NLRP14: variants seen among roughly 807,000 people sequenced by gnomAD.
NLRP14 encodes the protein NLR family pyrin domain containing 14.
Under a neutral mutation model 94.7 loss-of-function variants are expected in NLRP14, and 105 were observed. The observed-to-expected ratio is 1.11, with a 90% CI of 0.95 to 1.30. The LOEUF (loss-of-function observed/expected upper bound fraction) is 1.30. NLRP14 is among the 50% of genes most tolerant of loss of function. NLRP14 has a pLI of 0.00. For missense variants in NLRP14, 1,362 were observed against 1,254.1 expected, an observed-to-expected ratio of 1.09 and a Z score of -1.30; for synonymous variants, 508 against 459.9, an observed-to-expected ratio of 1.10 and a Z score of -1.34.
chr11:7,042,888 C>A lies in NLRP14; in HGVS notation c.862C>A (p.Leu288Ile). Residue 288 changes from leucine (L) to isoleucine (I), a missense_variant, in exon 4 of 12, where the codon CTC becomes ATC. Coordinates refer to ENST00000299481, the MANE Select transcript of NLRP14 (RefSeq NM_176822.4). ...DWTQEHPVSF[L>I]MSSLLRKVML... is the part of the protein sequence containing the mutation. The stretch of plus-strand genomic sequence containing the variant: ...GACCCAAGAACACCCAGTGTCCTTC[C>A]TCATGAGTAGTTTGCTGAGGAAAGT... The A allele has an allele frequency of 6.2e-7, 1 of 1,614,164 alleles. No homozygotes were observed. Among genetic ancestry groups the A allele is most frequent in the Non-Finnish European group, 8.5e-7 (1 of 1,180,020 alleles).
intron 2 of NLRP14, 106 bp from the exon 3 acceptor site, chr11:7,039,608 G>A: frequency 2.2e-6 from 2 of 901,734 alleles, no homozygotes; most frequent in Non-Finnish European, 1.9e-6. Flanking sequence ...AACCCAGATA[G>A]TCATAGAATT....
chr11:7,043,096 A>G lies in NLRP14; in HGVS notation c.1070A>G (p.Lys357Arg). The change falls in exon 4 of 12, where the codon AAA becomes AGA. Residue 357 changes from lysine to arginine, a missense_variant. Lys to Arg is a conservative substitution (Grantham distance 26). Transcript: ENST00000299481. Reference sequence around the variant, plus strand: ...GCCATGAAAGTATTCAGTTCACTAAAAAGCAATGAGATGCTGTTTAGCATG... The same window carrying G: ...GCCATGAAAGTATTCAGTTCACTAAGAAGCAATGAGATGCTGTTTAGCATG... ...RWAMKVFSSL[K>R]SNEMLFSMCQ... 1.2e-6 allele frequency: 2 copies of G among 1,614,184 alleles called. No homozygotes were observed. Among genetic ancestry groups the G allele is most frequent in the Non-Finnish European group, 1.7e-6 (2 of 1,180,038 alleles).
chr11:7,090,657 C>T, the NLRP14 span: 1 of 337,754 alleles, frequency 3.0e-6, no homozygotes, highest in Non-Finnish European at 5.9e-6. Context: ...ATCTGCTCAC[C>T]TAAAATGGAA....
intron 5 of NLRP14, 107 bp downstream of exon 5, chr11:7,046,939 A>G (rs1852361826): frequency 1.2e-6 from 1 of 854,636 alleles, no homozygotes; most frequent in Non-Finnish European, 2.0e-6. Context: ...AATACTTACA[A>G]TCCATTTTGT....
intron 1 of NLRP14, among the ~76,000 whole-genome samples, chr11:7,025,346 A>T (rs1685981693): frequency 6.6e-6 from 1 of 152,168 alleles, no homozygotes; most frequent in Admixed American, 6.5e-5. Context: ...TAGTGAAATA[A>T]ATGTTTAAGG....
intron 10 of NLRP14, among the ~76,000 whole-genome samples, chr11:7,063,143 T>C (rs896404118): frequency 1.3e-5 from 2 of 152,120 alleles, no homozygotes; most frequent in African/African-American, 4.8e-5. Flanking sequence ...CCATTGACTA[T>C]ATATTTTTAT....
At chr11:7,090,118 G>A in the NLRP14 span, 4 of 1,612,478 alleles carry the variant, frequency 2.5e-6, no homozygotes, top group Non-Finnish European at 3.4e-6. Context: ...TATGGCCGGA[G>A]CGACCGCTAC....
intron 9 of NLRP14, among the ~76,000 whole-genome samples, 176 bp from the exon 10 acceptor site, chr11:7,062,157 G>A (rs1001605659): frequency 6.6e-6 from 1 of 151,892 alleles, no homozygotes; most frequent in Non-Finnish European, 1.5e-5. Flanking sequence ...GGTTTATTCT[G>A]CTCATTAAGA....
intron 5 of NLRP14, among the ~76,000 whole-genome samples, chr11:7,049,139 A>G (rs1356735421): frequency 1.3e-5 from 2 of 152,162 alleles, no homozygotes; most frequent in African/African-American, 4.8e-5. Flanking sequence ...AATATCTGAC[A>G]TTGACTGAGT....
At position 7,027,617 on chromosome 11, in the gene NLRP14, G is replaced by A. The variant is rs151158992; in HGVS notation, c.-22+6847G>A. On this transcript the variant is annotated intron_variant, in intron 1 of 11. Transcript: ENST00000299481. ...CTACTTCCCTCTCAGCTACTGTATC[G>A]TTTCTGTCCTTCCTTTTGAGCCAAA... Among the ~76,000 whole-genome samples the A allele has an allele frequency of 3.4e-3, 521 of 152,176 alleles. 3 individuals carry two copies. Among genetic ancestry groups the A allele is most frequent in the African/African-American group, 9.5e-3 (394 of 41,530 alleles).
At chr11:7,032,047 T>C (rs1852106382) in intron 1 of NLRP14, among the ~76,000 whole-genome samples, 1 of 152,214 alleles carries the variant, frequency 6.6e-6, no homozygotes, top group African/African-American at 2.4e-5. Context: ...CAAGTACAGA[T>C]GGCAGGCATT....
chr11:7,038,525 T>C (rs1466443108), intron 1 of NLRP14, 41 bp from the exon 2 acceptor site: 2 of 1,489,980 alleles, frequency 1.3e-6, no homozygotes, highest in African/African-American at 2.8e-5. Flanking sequence ...ATGTGTCCCA[T>C]TTATTCCATG....
intron 8 of NLRP14, among the ~76,000 whole-genome samples, 193 bp from the exon 9 acceptor site, chr11:7,059,701 A>G (rs1852582641): frequency 6.6e-6 from 1 of 152,010 alleles, no homozygotes; most frequent in African/African-American, 2.4e-5. Context: ...GCTGAAGAAT[A>G]TGAGTCTAGT....
At chr11:7,074,788 C>T (rs1448424409), downstream of NLRP14, among the ~76,000 whole-genome samples, 6 of 151,988 alleles carry the variant, frequency 3.9e-5, 1 homozygote, top group Admixed American at 1.3e-4. Flanking sequence ...TTTTCTGTAG[C>T]GGATCTGAAG....
At chr11:7,075,786 C>T (rs142725321), downstream of NLRP14, among the ~76,000 whole-genome samples, 13 of 152,254 alleles carry the variant, frequency 8.5e-5, no homozygotes, top group East Asian at 2.5e-3. Flanking sequence ...AACAATGATC[C>T]TTAGGTCATG....
chr11:7,072,279 T>C (rs752332311), downstream of NLRP14, among the ~76,000 whole-genome samples: 1 of 152,248 alleles, frequency 6.6e-6, no homozygotes, highest in Non-Finnish European at 1.5e-5. Context: ...ACACGTCTGC[T>C]GCCTTGGCAG....
intron 10 of NLRP14, among the ~76,000 whole-genome samples, chr11:7,068,566 G>C (rs1211327821): frequency 6.6e-6 from 1 of 152,150 alleles, no homozygotes; most frequent in South Asian, 2.1e-4. Flanking sequence ...AGAACATACT[G>C]TGCATGAGTA....
intron 11 of NLRP14, among the ~76,000 whole-genome samples, 158 bp downstream of exon 11, chr11:7,070,614 A>C (rs566203357): frequency 3.3e-5 from 5 of 152,268 alleles, no homozygotes; most frequent in African/African-American, 1.2e-4. Context: ...GAATATTGAG[A>C]GATACAATAT....
At chr11:7,039,256 AATT>A (rs1323230586) in intron 2 of NLRP14, among the ~76,000 whole-genome samples, 2 of 152,138 alleles carry the variant, frequency 1.3e-5, no homozygotes, top group East Asian at 1.9e-4. Flanking sequence ...ATGGGCTGAA[AATT>A]ATTATTGGAC....
Sources: gnomAD v4.1 joint callset for allele counts (sites outside exome capture counted in the v4.1 genomes callset) on GRCh38, gnomAD v4.1.1 for gene constraint, MANE v1.5 for transcripts, NCBI Gene and HGNC (gene_info 2026-07-23, HGNC 2026-07-21) for gene names.